The following TOP6BL variants were observed in gnomAD, a reference collection of about 807,000 sequenced individuals.
TOP6BL encodes the protein TOP6B like initiator of meiotic double strand breaks.
chr11:66,834,021 T>C, the TOP6BL span, among the ~76,000 whole-genome samples: 15 of 152,256 alleles, frequency 9.9e-5, no homozygotes, highest in South Asian at 2.9e-3. Context: ...TCAGGGCCAT[T>C]CATAGCCCAA....
chr11:66,793,061 CTAA>C, the TOP6BL span, among the ~76,000 whole-genome samples: 1 of 151,574 alleles, frequency 6.6e-6, no homozygotes, highest in African/African-American at 2.4e-5. Flanking sequence ...ACAGAATTTT[CTAA>C]TAATCCCCCA....
the TOP6BL span, among the ~76,000 whole-genome samples, chr11:66,776,367 A>G: frequency 6.6e-6 from 1 of 152,108 alleles, no homozygotes; most frequent in Non-Finnish European, 1.5e-5. Context: ...CATATGGCTT[A>G]CTTCTTTTCC....
chr11:66,804,940 G>A, the TOP6BL span, among the ~76,000 whole-genome samples: 4 of 152,068 alleles, frequency 2.6e-5, no homozygotes, highest in African/African-American at 4.8e-5. Flanking sequence ...GGTGGCAGGC[G>A]CCTGTAATCC....
chr11:66,822,213 T>G, the TOP6BL span, among the ~76,000 whole-genome samples: 1 of 152,128 alleles, frequency 6.6e-6, no homozygotes, highest in Admixed American at 6.5e-5. Context: ...TTACCTCATA[T>G]GGCCCCCTTT....
At chr11:66,800,904 C>T in the TOP6BL span, 4 of 1,089,726 alleles carry the variant, frequency 3.7e-6, no homozygotes, top group East Asian at 2.6e-5. Context: ...CCATTTTCCC[C>T]TTGGTTAATT....
the TOP6BL span, among the ~76,000 whole-genome samples, chr11:66,819,366 G>C: frequency 3.9e-5 from 6 of 152,136 alleles, no homozygotes; most frequent in Non-Finnish European, 7.3e-5. Context: ...TTTCAAAAGA[G>C]ATCTGATTTC....
the TOP6BL span, chr11:66,796,260 G>A: frequency 1.3e-6 from 2 of 1,560,170 alleles, no homozygotes; most frequent in Non-Finnish European, 8.8e-7. Flanking sequence ...TGTGGTAGGT[G>A]TTTTTGTTGT....
chr11:66,762,273 G>A, the TOP6BL span: 1 of 493,834 alleles, frequency 2.0e-6, no homozygotes. Context: ...TGAGCAGCCT[G>A]AAGGGCGGGC....
the TOP6BL span, among the ~76,000 whole-genome samples, chr11:66,778,520 A>G: frequency 6.6e-6 from 1 of 152,156 alleles, no homozygotes. Flanking sequence ...CCAACGCCAT[A>G]TTGAAGAGTA....
the TOP6BL span, among the ~76,000 whole-genome samples, chr11:66,769,949 G>T: frequency 6.6e-6 from 1 of 151,786 alleles, no homozygotes; most frequent in South Asian, 2.1e-4. Flanking sequence ...GTTTCACTGT[G>T]TTAGCCAGGA....
chr11:66,746,476 A>G, the TOP6BL span, among the ~76,000 whole-genome samples: 2 of 152,104 alleles, frequency 1.3e-5, no homozygotes, highest in Non-Finnish European at 2.9e-5. Context: ...GCACTTTGGG[A>G]GGCCGAGGCA....
At chr11:66,796,408 A>G in the TOP6BL span, 1 of 1,458,670 alleles carries the variant, frequency 6.9e-7, no homozygotes, top group Non-Finnish European at 9.5e-7. Flanking sequence ...TATTTAAGTC[A>G]TTGTTTTCCA....
chr11:66,810,172 A>G, the TOP6BL span, among the ~76,000 whole-genome samples: 2 of 152,196 alleles, frequency 1.3e-5, no homozygotes, highest in Admixed American at 1.3e-4. Flanking sequence ...ACTGAGAGAA[A>G]AAAGGCAAAA....
the TOP6BL span, chr11:66,761,739 C>CT: frequency 1.3e-6 from 1 of 782,030 alleles, no homozygotes; most frequent in South Asian, 1.4e-5. Flanking sequence ...TCCAGGGAAT[C>CT]TGTGTTGAGT....
At chr11:66,788,778 C>T in the TOP6BL span, among the ~76,000 whole-genome samples, 7 of 152,072 alleles carry the variant, frequency 4.6e-5, no homozygotes, top group Non-Finnish European at 7.3e-5. Flanking sequence ...CTTGCTATGT[C>T]GCACAGTCTG....
At chr11:66,756,157 A>G in the TOP6BL span, among the ~76,000 whole-genome samples, 2 of 152,352 alleles carry the variant, frequency 1.3e-5, no homozygotes, top group Admixed American at 6.5e-5. Flanking sequence ...CCCAAAATGT[A>G]TGCCACAGAA....
At chr11:66,762,206 G>C in the TOP6BL span, 1 of 669,184 alleles carries the variant, frequency 1.5e-6, no homozygotes, top group East Asian at 2.7e-5. Flanking sequence ...ACCCACAGCC[G>C]GAGGTGCAGG....
At chr11:66,827,596 CTCT>C in the TOP6BL span, among the ~76,000 whole-genome samples, 3 of 151,756 alleles carry the variant, frequency 2.0e-5, no homozygotes, top group Non-Finnish European at 4.4e-5. Context: ...GTCTTGGAAA[CTCT>C]TCTTATAGAA....
the TOP6BL span, chr11:66,744,853 C>T: frequency 3.1e-6 from 4 of 1,309,726 alleles, no homozygotes; most frequent in Non-Finnish European, 3.9e-6. Context: ...CGGGCGGGTA[C>T]CCTTCGACTG....
Sources: gnomAD v4.1 joint callset for allele counts (sites outside exome capture counted in the v4.1 genomes callset) on GRCh38, gnomAD v4.1.1 for gene constraint, MANE v1.5 for transcripts, NCBI Gene and HGNC (gene_info 2026-07-23, HGNC 2026-07-21) for gene names.